The following PCDHGA9 variants were observed in gnomAD, a reference collection of about 807,000 sequenced individuals.
PCDHGA9 encodes the protein protocadherin gamma-A9.
Under a neutral mutation model 62.5 loss-of-function variants are expected in PCDHGA9, and 37 were observed. That is an observed-to-expected ratio of 0.59 (90% CI 0.46 to 0.78). PCDHGA9 has a LOEUF of 0.78. PCDHGA9 is among the 30% of genes least tolerant of loss of function. The pLI, the probability that PCDHGA9 is intolerant of heterozygous loss-of-function variation, is 0.00. For missense variants in PCDHGA9, 1,138 were observed against 1,166.2 expected, an observed-to-expected ratio of 0.98 and a Z score of 0.35; for synonymous variants, 459 against 484.6, an observed-to-expected ratio of 0.95 and a Z score of 0.69.
intron 1 of PCDHGA9, among the ~76,000 whole-genome samples, chr5:141,450,467 T>G (rs997813636): frequency 1.3e-5 from 2 of 151,944 alleles, no homozygotes; most frequent in African/African-American, 2.4e-5. Flanking sequence ...ATTTTATATA[T>G]AGAGTTTGTT....
At chr5:141,483,797 G>GCTGCTTTT (rs1255394691) in intron 1 of PCDHGA9, among the ~76,000 whole-genome samples, 3 of 152,174 alleles carry the variant, frequency 2.0e-5, no homozygotes, top group Non-Finnish European at 4.4e-5. Context: ...TCCAGTTGTT[G>GCTGCTTTT]CTGCTTTTTT....
In PCDHGA9 at chr5:141,464,280, A is replaced by C. The variant is rs934753450; in HGVS notation, c.2425-30527A>C. Among the ~76,000 whole-genome samples, 148 of 75,930 alleles carry C rather than the reference A, an allele frequency of 1.9e-3. 1 individual carries two copies. Among genetic ancestry groups the C allele is most frequent in the African/African-American group, 0.011 (146 of 12,968 alleles). 49.8% of individuals were successfully genotyped at this position (75,930 alleles called of 152,430 possible). Reference sequence around the variant, plus strand: ...ACTCCGTCTAAAAAAAAAAAAAAGCAAAAAAAAAAACTCCATTGTATGTGC... The same window carrying C: ...ACTCCGTCTAAAAAAAAAAAAAAGCCAAAAAAAAAACTCCATTGTATGTGC... On this transcript the variant is annotated intron_variant, in intron 1 of 3. Transcript: ENST00000573521.
chr5:141,418,504 A>T (rs761133198), intron 1 of PCDHGA9: 32 of 1,613,904 alleles, frequency 2.0e-5, no homozygotes, highest in Non-Finnish European at 2.7e-5. Context: ...TGACCGCCTT[A>T]GATGGTGGGG....
At chr5:141,484,506 G>T (rs1442936814) in intron 1 of PCDHGA9, among the ~76,000 whole-genome samples, 1 of 152,186 alleles carries the variant, frequency 6.6e-6, no homozygotes, top group Non-Finnish European at 1.5e-5. Context: ...TGAATATTCT[G>T]CAGAAGGGCA....
At chr5:141,421,895 G>C in intron 1 of PCDHGA9, 1 of 1,613,730 alleles carries the variant, frequency 6.2e-7, no homozygotes, top group Non-Finnish European at 8.5e-7. Context: ...GATCCCATCC[G>C]AAAGGGCGCA....
chr5:141,410,435 G>A (rs772158163), intron 1 of PCDHGA9: 1 of 1,614,054 alleles, frequency 6.2e-7, no homozygotes, highest in Non-Finnish European at 8.5e-7. Context: ...CAACTACAGT[G>A]AGGGGACTTT....
rs558513172 is a variant in PCDHGA9 at position 141,424,015 on chromosome 5, A to T, written c.2424+18639A>T. The T allele has an allele frequency of 3.0e-5, 32 of 1,060,896 alleles. No individual in the cohort carries two copies. The Admixed American group carries it at 3.2e-4, about 11-fold the overall frequency. The allele number at this position is 1,060,896 out of a possible 1,614,324, so 65.7% of individuals were successfully genotyped here. A position where few individuals can be genotyped will look rare whatever the true frequency, so the allele number is the denominator to read the frequency against. ...TATTATATATAGATACAAATTAATGATTCACAAACACTTTTTATTTCCATT... is the reference window on the plus strand; with the variant it reads ...TATTATATATAGATACAAATTAATGTTTCACAAACACTTTTTATTTCCATT... On this transcript the variant is annotated intron_variant, in intron 1 of 3. Transcript: ENST00000573521.
chr5:141,478,259 T>A lies in PCDHGA9; in HGVS notation c.2425-16548T>A, dbSNP rs534973741. ...GGTCACAGTGTTCGGAGTAATCATA[T>A]TCAAAGTTTACAAGTGGAAGCAGTC... On this transcript the variant is annotated intron_variant, in intron 1 of 3. Transcript: ENST00000573521. 3.2e-5 allele frequency: 52 copies of A among 1,614,064 alleles called. No individual in the cohort carries two copies. The highest frequency in any genetic ancestry group is 4.4e-5 in the Non-Finnish European group (52 of 1,180,048).
chr5:141,410,269 G>A, intron 1 of PCDHGA9: 1 of 1,614,060 alleles, frequency 6.2e-7, no homozygotes, highest in Non-Finnish European at 8.5e-7. Flanking sequence ...CTGAACTGCA[G>A]TTTTACCTGG....
At chr5:141,435,067 T>C (rs1381741674) in intron 1 of PCDHGA9, among the ~76,000 whole-genome samples, 1 of 152,168 alleles carries the variant, frequency 6.6e-6, no homozygotes, top group African/African-American at 2.4e-5. Flanking sequence ...CAGTTTTGTG[T>C]AGACCGTCTG....
At position 141,477,577 on chromosome 5, in the gene PCDHGA9, G is replaced by T; in HGVS notation, c.2425-17230G>T. Reference sequence around the variant, plus strand: ...TAAGTGTCTGGGACCCCGACGCCCCGCAGAATGCTCGGCTTTCTTTCTTTC... The same window carrying T: ...TAAGTGTCTGGGACCCCGACGCCCCTCAGAATGCTCGGCTTTCTTTCTTTC... On this transcript the variant is annotated intron_variant, in intron 1 of 3. Transcript: ENST00000573521. The surrounding 1 kb of genome is among the most constrained non-coding windows in gnomAD (Gnocchi z 4.9). 1.2e-6 allele frequency: 2 copies of T among 1,614,124 alleles called. No homozygotes were observed. Among genetic ancestry groups the T allele is most frequent in the Non-Finnish European group, 1.7e-6 (2 of 1,180,020 alleles).
At position 141,431,211 on chromosome 5, in the gene PCDHGA9, G is replaced by C. The variant is rs1054638121; in HGVS notation, c.2424+25835G>C. Reference sequence around the variant, plus strand: ...AGTGAAAATGCAGCCACTGAGATGCGGTTCCCTCTACCCCACGCCTGGGAT... The same window carrying C: ...AGTGAAAATGCAGCCACTGAGATGCCGTTCCCTCTACCCCACGCCTGGGAT... On this transcript the variant is annotated intron_variant, in intron 1 of 3. Coordinates refer to ENST00000573521, the MANE Select transcript of PCDHGA9 (RefSeq NM_018921.3). This position sits in a 1 kb window ranked among gnomAD's most constrained non-coding sequence, Gnocchi z 4.8. 1.2e-6 allele frequency: 2 copies of C among 1,614,122 alleles called. No individual in the cohort carries two copies. Among genetic ancestry groups the C allele is most frequent in the Non-Finnish European group, 1.7e-6 (2 of 1,180,036 alleles).
intron 1 of PCDHGA9, among the ~76,000 whole-genome samples, chr5:141,435,367 A>C (rs2097758993): frequency 1.3e-5 from 2 of 152,194 alleles, no homozygotes; most frequent in African/African-American, 4.8e-5. Flanking sequence ...TTTATCACTT[A>C]AATATACAAT....
chr5:141,438,685 G>A (rs2098051190), intron 1 of PCDHGA9, among the ~76,000 whole-genome samples: 1 of 143,314 alleles, frequency 7.0e-6, no homozygotes, highest in Non-Finnish European at 1.5e-5. Context: ...GTAGGGGATG[G>A]AGTCTTGCTC....
rs1345800081 is a variant in PCDHGA9, at chr5:141,485,453, G to A, written c.2425-9354G>A. 1 of 1,614,176 alleles carries A rather than the reference G, an allele frequency of 6.2e-7. No homozygotes were observed. The highest frequency in any genetic ancestry group is 8.5e-7 in the Non-Finnish European group (1 of 1,180,036). On this transcript the variant is annotated intron_variant, in intron 1 of 3. Transcript: ENST00000573521. The surrounding 1 kb of genome is among the most constrained non-coding windows in gnomAD (Gnocchi z 5.7). ...CATCAAGAACCCAATCGACCGAGAG[G>A]CACTGTGTGGGCTCAGTGCCAGCTG...
Position 141,489,765 on chromosome 5 carries a change from C to A in PCDHGA9, c.2425-5042C>A. On this transcript the variant is annotated intron_variant, in intron 1 of 3. Transcript: ENST00000573521. The surrounding 1 kb of genome is among the most constrained non-coding windows in gnomAD (Gnocchi z 4.5). ...TGAGCTTTTACACTCTAAGCCCCAA[C>A]AGCCACTTCTCTCTGAATGTGAAGA... 2.5e-6 allele frequency: 4 copies of A among 1,614,174 alleles called. No individual in the cohort carries two copies. The highest frequency in any genetic ancestry group is 3.4e-6 in the Non-Finnish European group (4 of 1,179,992).
intron 1 of PCDHGA9, chr5:141,408,066 G>T: frequency 7.3e-7 from 1 of 1,364,656 alleles, no homozygotes; most frequent in Non-Finnish European, 9.7e-7. Flanking sequence ...CGGCTGCGCA[G>T]ACCTTTCCCA....
At position 141,490,874 on chromosome 5, in the gene PCDHGA9, A is replaced by T. The variant is rs368927472; in HGVS notation, c.2425-3933A>T. 2 of 1,613,948 alleles carry T rather than the reference A, an allele frequency of 1.2e-6. No homozygotes were observed. Among genetic ancestry groups the T allele is most frequent in the Non-Finnish European group, 1.7e-6 (2 of 1,179,952 alleles). On this transcript the variant is annotated intron_variant, in intron 1 of 3. Transcript: ENST00000573521. The surrounding 1 kb of genome is among the most constrained non-coding windows in gnomAD (Gnocchi z 5.4). The stretch of plus-strand genomic sequence containing the variant: ...CGAGACTCCGGCTCTCCCCCATTGC[A>T]TGCCAACACATCTCTGCATGTGTTT...
At position 141,505,394 on chromosome 5, in the gene PCDHGA9, T is replaced by C; in HGVS notation, c.2485T>C (p.Ser829Pro). 6.2e-7 allele frequency: 1 copy of C among 1,614,110 alleles called. No homozygotes were observed. The highest frequency in any genetic ancestry group is 8.5e-7 in the Non-Finnish European group (1 of 1,180,002). The part of the protein sequence containing the change: ...SQAQRPGTSG[S>P]QNGDDTGTWP... ...CTCACCATCCTACTCTCTCCCCAGC[T>C]CCCAAAATGGCGATGACACCGGCAC... Residue 829 changes from serine (S) to proline (P), a missense_variant and splice_region_variant, in exon 3 of 4, where the codon TCC becomes CCC. By Grantham distance (74) the Ser-to-Pro change is moderately conservative. Coordinates refer to ENST00000573521, the MANE Select transcript of PCDHGA9 (RefSeq NM_018921.3).
Sources: gnomAD v4.1 joint callset for allele counts (sites outside exome capture counted in the v4.1 genomes callset) on GRCh38, gnomAD v4.1.1 for gene constraint, Gnocchi (gnomAD v3.1) non-coding constraint, MANE v1.5 for transcripts, NCBI Gene and HGNC (gene_info 2026-07-23, HGNC 2026-07-21) for gene names.